UBASH3A: variants seen among roughly 807,000 people sequenced by gnomAD.
The protein encoded by UBASH3A is ubiquitin-associated and SH3 domain-containing protein A.
Under a neutral mutation model 73.5 loss-of-function variants are expected in UBASH3A, and 63 were observed. That is an observed-to-expected ratio of 0.86 (90% CI 0.70 to 1.06). The LOEUF is 1.06. Ranked by LOEUF, UBASH3A falls within the 50% of genes least tolerant of loss-of-function variation. UBASH3A has a pLI of 0.00. For synonymous variants in UBASH3A, 363 were observed against 351.1 expected, an observed-to-expected ratio of 1.03 and a Z score of -0.38; for missense variants, 860 against 859.0, an observed-to-expected ratio of 1.00 and a Z score of -0.02.
At chr21:42,437,641 G>T in intron 11 of UBASH3A, 61 bp downstream of exon 11, 3 of 1,432,938 alleles carry the variant, frequency 2.1e-6, no homozygotes, top group Non-Finnish European at 2.0e-6. Flanking sequence ...TTCTCCAAGG[G>T]GAGTGGGAAG....
At chr21:42,445,176 T>C (rs1214038392) in intron 14 of UBASH3A, among the ~76,000 whole-genome samples, 1 of 152,190 alleles carries the variant, frequency 6.6e-6, no homozygotes, top group East Asian at 1.9e-4. Flanking sequence ...TGGACAACCT[T>C]GATTATCACT....
At chr21:42,431,210 A>G (rs1446498592) in intron 8 of UBASH3A, among the ~76,000 whole-genome samples, 2 of 152,144 alleles carry the variant, frequency 1.3e-5, no homozygotes, top group Non-Finnish European at 2.9e-5. Context: ...GCATGGGGAG[A>G]AGGGTGGCCT....
At chr21:42,433,213 C>T (rs907694054) in intron 9 of UBASH3A, among the ~76,000 whole-genome samples, 1 of 152,192 alleles carries the variant, frequency 6.6e-6, no homozygotes, top group Non-Finnish European at 1.5e-5. Flanking sequence ...TGGATCTTTT[C>T]CCAAGGTAGA....
intron 7 of UBASH3A, among the ~76,000 whole-genome samples, chr21:42,419,112 C>T (rs2053283933): frequency 6.6e-6 from 1 of 152,202 alleles, no homozygotes; most frequent in South Asian, 2.1e-4. Context: ...AAGGTGCCTG[C>T]CAGGGCTGGG....
At chr21:42,419,058 C>A (rs1157518757) in intron 7 of UBASH3A, among the ~76,000 whole-genome samples, 1 of 152,152 alleles carries the variant, frequency 6.6e-6, no homozygotes, top group Non-Finnish European at 1.5e-5. Context: ...GAGTCAGAGT[C>A]CAGCTTCACT....
chr21:42,432,129 G>A lies in UBASH3A; in HGVS notation c.1197G>A (p.Leu399=). 6.2e-7 allele frequency: 1 copy of A among 1,613,528 alleles called. No individual in the cohort carries two copies. The highest frequency in any genetic ancestry group is 8.5e-7 in the Non-Finnish European group (1 of 1,179,630). ...LQATVARKSV[L]VVRHGERVDQ... ...CTACCGTTGCAAGGAAGAGCGTGCT[G>A]GTGGTTCGCCACGGGGAGAGAGTGG... The change falls in exon 9 of 15, where the codon CTG becomes CTA. Residue 399 remains leucine (L), a synonymous_variant. Coordinates refer to ENST00000319294, the MANE Select transcript of UBASH3A (RefSeq NM_018961.4).
intron 1 of UBASH3A, among the ~76,000 whole-genome samples, chr21:42,405,940 C>G (rs1002315190): frequency 7.6e-6 from 1 of 132,354 alleles, no homozygotes; most frequent in African/African-American, 3.0e-5. Flanking sequence ...TGTGTCCGAG[C>G]CAGGGGCACG....
chr21:42,418,636 C>G, intron 7 of UBASH3A, 27 bp downstream of exon 7: 1 of 1,596,240 alleles, frequency 6.3e-7, no homozygotes, highest in African/African-American at 1.3e-5. Context: ...GCTGCAGCCC[C>G]GTCATCTCTC....
chr21:42,416,294 C>T, intron 5 of UBASH3A, 148 bp from the exon 6 acceptor site: 1 of 736,768 alleles, frequency 1.4e-6, no homozygotes, highest in Non-Finnish European at 2.0e-6. Flanking sequence ...GGGATCCAGC[C>T]ATCTCCTTTA....
rs143962730 is a variant in UBASH3A, at chr21:42,422,923, G to A, written c.1047-3774G>A. On this transcript the variant is annotated intron_variant, in intron 7 of 14. Coordinates refer to ENST00000319294, the MANE Select transcript of UBASH3A (RefSeq NM_018961.4). The stretch of plus-strand genomic sequence containing the variant: ...TGGTTACCGGTGGGTGTTGGGAGTG[G>A]GAGCCAGGAGAATGGAACAGAAATG... Among the ~76,000 whole-genome samples, 585 of 152,222 alleles carry A rather than the reference G, an allele frequency of 3.8e-3. 2 individuals carry two copies. The highest frequency in any genetic ancestry group is 5.4e-3 in the Non-Finnish European group (367 of 68,016).
At chr21:42,430,604 C>G (rs12483051) in intron 8 of UBASH3A, among the ~76,000 whole-genome samples, 14,901 of 152,258 alleles carry the variant, frequency 0.098, 973 homozygotes, top group Middle Eastern at 0.17. Context: ...CGCCTGGGCT[C>G]CAGGCAGGAT....
At chr21:42,420,086 C>G in intron 7 of UBASH3A, among the ~76,000 whole-genome samples, 1 of 152,084 alleles carries the variant, frequency 6.6e-6, no homozygotes, top group East Asian at 1.9e-4. Context: ...AAAGTTTAAC[C>G]AGAGATGCAG....
chr21:42,433,245 A>G (rs2053567509), intron 9 of UBASH3A, among the ~76,000 whole-genome samples: 2 of 152,214 alleles, frequency 1.3e-5, no homozygotes, highest in African/African-American at 4.8e-5. Context: ...TAAAGTGAAG[A>G]ATTACATCTA....
intron 1 of UBASH3A, 200 bp downstream of exon 1, chr21:42,404,258 C>A (rs986108481): frequency 5.3e-6 from 2 of 376,850 alleles, no homozygotes; most frequent in Admixed American, 4.5e-5. Context: ...GCTTGTCCAA[C>A]CCACATGAGG....
Position 42,432,132 on chromosome 21 carries a change from G to A in UBASH3A, c.1200G>A (p.Val400=), listed in dbSNP as rs922986576. The A allele has an allele frequency of 1.2e-6, 2 of 1,613,664 alleles. No homozygotes were observed. Among genetic ancestry groups the A allele is most frequent in the South Asian group, 2.2e-5 (2 of 90,958 alleles). ...QATVARKSVL[V]VRHGERVDQI... The stretch of plus-strand genomic sequence containing the variant: ...CCGTTGCAAGGAAGAGCGTGCTGGT[G>A]GTTCGCCACGGGGAGAGAGTGGATC... The change falls in exon 9 of 15, where the codon GTG becomes GTA. Residue 400 remains valine, a synonymous_variant. Transcript: ENST00000319294.
At chr21:42,419,736 T>G (rs2053297226) in intron 7 of UBASH3A, among the ~76,000 whole-genome samples, 1 of 152,242 alleles carries the variant, frequency 6.6e-6, no homozygotes, top group South Asian at 2.1e-4. Flanking sequence ...TTTCATAATG[T>G]TACGAAAGTG....
At chr21:42,404,081 G>C (rs369004803) in intron 1 of UBASH3A, 23 bp downstream of exon 1, 6 of 1,365,462 alleles carry the variant, frequency 4.4e-6, no homozygotes, top group Admixed American at 5.3e-5. Flanking sequence ...CAGAGACCCC[G>C]GGGCCCAGCC....
chr21:42,437,856 T>G (rs534741049), intron 11 of UBASH3A, among the ~76,000 whole-genome samples: 58 of 152,324 alleles, frequency 3.8e-4, no homozygotes, highest in Non-Finnish European at 7.8e-4. Context: ...CTCCGTCAGC[T>G]AGGCATTTTT....
At chr21:42,421,054 G>C (rs2053329862) in intron 7 of UBASH3A, among the ~76,000 whole-genome samples, 1 of 152,198 alleles carries the variant, frequency 6.6e-6, no homozygotes, top group East Asian at 1.9e-4. Flanking sequence ...CGTTCAGTCT[G>C]GCCAAGTTGC....
Sources: gnomAD v4.1 joint callset for allele counts (sites outside exome capture counted in the v4.1 genomes callset) on GRCh38, gnomAD v4.1.1 for gene constraint, MANE v1.5 for transcripts, NCBI Gene and HGNC (gene_info 2026-07-23, HGNC 2026-07-21) for gene names.